ANKS1B: variants seen among roughly 807,000 people sequenced by gnomAD.
ANKS1B encodes the protein ankyrin repeat and sterile alpha motif domain containing 1B.
In ANKS1B, 36 loss-of-function variants were observed where a neutral mutation model predicts 148.3. The observed-to-expected ratio is 0.24, with a 90% CI of 0.19 to 0.32. The LOEUF is 0.32. Among genes scored for constraint, ANKS1B ranks in the 10% least tolerant of loss-of-function variants. The pLI is 1.00. For missense variants in ANKS1B, 1,157 were observed against 1,542.6 expected (o/e 0.75, Z 4.19); for synonymous variants, 542 against 560.8 (o/e 0.97, Z 0.47).
intron 4 of ANKS1B, among the ~76,000 whole-genome samples, chr12:99,783,543 T>A (rs1221888797): frequency 6.6e-6 from 1 of 152,214 alleles, no homozygotes; most frequent in African/African-American, 2.4e-5. Context: ...CAATTTAATG[T>A]AGCCATAAAA....
At chr12:98,872,784 T>C (rs1233729769) in intron 17 of ANKS1B, among the ~76,000 whole-genome samples, 1 of 152,116 alleles carries the variant, frequency 6.6e-6, no homozygotes, top group East Asian at 1.9e-4. Flanking sequence ...AGGCAGGACT[T>C]CCAGCCTCCA....
intron 17 of ANKS1B, among the ~76,000 whole-genome samples, chr12:98,981,985 C>T (rs943660733): frequency 1.3e-5 from 2 of 152,056 alleles, no homozygotes; most frequent in African/African-American, 4.8e-5. Context: ...TTATAAAGGA[C>T]ATTAAACTGA....
At chr12:99,848,992 G>T (rs1269579428) in intron 1 of ANKS1B, among the ~76,000 whole-genome samples, 1 of 151,986 alleles carries the variant, frequency 6.6e-6, no homozygotes, top group African/African-American at 2.4e-5. Context: ...GCTAAACACT[G>T]GGTATACATG....
At chr12:99,427,262 T>C (rs756708907) in intron 11 of ANKS1B, among the ~76,000 whole-genome samples, 1 of 152,206 alleles carries the variant, frequency 6.6e-6, no homozygotes, top group Non-Finnish European at 1.5e-5. Context: ...TCTACACTTC[T>C]TACCATGACC....
At position 99,613,574 on chromosome 12, in the gene ANKS1B, C is replaced by T. The variant is rs149212062; in HGVS notation, c.1272+41493G>A. 1.3e-4 allele frequency among the ~76,000 whole-genome samples: 20 copies of T among 151,958 alleles called. No homozygotes were observed. In the East Asian group the frequency reaches 3.9e-3, roughly 29 times the overall value. On this transcript the variant is annotated intron_variant, in intron 9 of 26. Transcript: ENST00000683438. ...TCAGGGACATGGATGGAGGTGGAGG[C>T]CATTATCCTTAGAAAATGGATGCAG...
At chr12:98,946,414 T>C (rs2099845598) in intron 17 of ANKS1B, among the ~76,000 whole-genome samples, 1 of 152,214 alleles carries the variant, frequency 6.6e-6, no homozygotes, top group Admixed American at 6.5e-5. Flanking sequence ...TCCTCATTCA[T>C]TCAACAAATA....
intron 8 of ANKS1B, among the ~76,000 whole-genome samples, chr12:99,721,881 C>T (rs189926358): frequency 2.0e-5 from 3 of 152,272 alleles, no homozygotes; most frequent in Admixed American, 6.5e-5. Context: ...ATTAAAAGTG[C>T]GACTCCAGTG....
At chr12:99,029,538 A>C (rs1199537124) in intron 17 of ANKS1B, among the ~76,000 whole-genome samples, 1 of 152,246 alleles carries the variant, frequency 6.6e-6, no homozygotes, top group Non-Finnish European at 1.5e-5. Context: ...AGCACAATCT[A>C]CAGTGAAGTA....
Position 99,684,368 on chromosome 12 carries a change from CAAAAAA to C in ANKS1B, c.1129-29164_1129-29159del, listed in dbSNP as rs572669891. 3.6e-5 allele frequency among the ~76,000 whole-genome samples: 3 copies of C among 82,554 alleles called. No individual in the cohort carries two copies. The Admixed American group carries it at 3.8e-4, about 10-fold the overall frequency. The allele number at this position is 82,554 out of a possible 152,430, so 54.2% of individuals were successfully genotyped here. A position where few individuals can be genotyped will look rare whatever the true frequency, so the allele number is the denominator to read the frequency against. ...AACTCAACTCCTTTTACAACAGCTG[CAAAAAA>C]AAAAAAAAAAAGGGAAAAAGAAATA... is the stretch of plus-strand genomic sequence containing the variant. On this transcript the variant is annotated intron_variant, in intron 8 of 26. Coordinates refer to ENST00000683438, the MANE Select transcript of ANKS1B (RefSeq NM_001352186.2).
chr12:99,433,976 C>T (rs2152759599), intron 11 of ANKS1B, among the ~76,000 whole-genome samples: 1 of 152,052 alleles, frequency 6.6e-6, no homozygotes. Flanking sequence ...TTAAGATGCC[C>T]AGCATATGGT....
intron 17 of ANKS1B, 67 bp from the exon 18 acceptor site, chr12:98,832,203 C>T: frequency 7.9e-7 from 1 of 1,263,710 alleles, no homozygotes; most frequent in Non-Finnish European, 1.1e-6. Context: ...TGTCCTAAAA[C>T]ATGTGGGGTG....
intron 22 of ANKS1B, among the ~76,000 whole-genome samples, chr12:98,792,994 C>T (rs1315565225): frequency 6.6e-6 from 1 of 152,176 alleles, no homozygotes; most frequent in Non-Finnish European, 1.5e-5. Flanking sequence ...AGTGGGATTG[C>T]TGGATAATAT....
intron 1 of ANKS1B, among the ~76,000 whole-genome samples, chr12:99,891,174 T>G (rs1317741396): frequency 1.3e-5 from 2 of 152,242 alleles, no homozygotes; most frequent in Non-Finnish European, 2.9e-5. Flanking sequence ...TAGGTCTATG[T>G]TTAAACTTCA....
chr12:99,865,540 T>C (rs2090621029), intron 1 of ANKS1B, among the ~76,000 whole-genome samples: 2 of 152,302 alleles, frequency 1.3e-5, no homozygotes, highest in Admixed American at 1.3e-4. Context: ...CTGGCAGTTA[T>C]CAATGACTAG....
chr12:99,487,627 ATT>A (rs2096509751), intron 10 of ANKS1B, among the ~76,000 whole-genome samples: 1 of 150,858 alleles, frequency 6.6e-6, no homozygotes, highest in African/African-American at 2.4e-5. Context: ...GGGGGGGGAC[ATT>A]TTTCAAATAT....
intron 12 of ANKS1B, among the ~76,000 whole-genome samples, chr12:99,388,712 C>T (rs969367133): frequency 6.6e-6 from 1 of 152,218 alleles, no homozygotes; most frequent in Non-Finnish European, 1.5e-5. Flanking sequence ...CAGCTCTCAT[C>T]TGAGGGCCAG....
chr12:99,387,897 G>A (rs756166820), intron 12 of ANKS1B, among the ~76,000 whole-genome samples: 12 of 128,230 alleles, frequency 9.4e-5, no homozygotes, highest in Non-Finnish European at 2.1e-4. Flanking sequence ...AGATGCCAAG[G>A]CATTCCAAGA....
intron 17 of ANKS1B, among the ~76,000 whole-genome samples, chr12:98,870,415 C>T (rs1329755219): frequency 6.6e-6 from 1 of 152,218 alleles, no homozygotes; most frequent in East Asian, 1.9e-4. Context: ...AGGCAGAAAT[C>T]AAATTGAAGA....
At chr12:98,746,299 C>A (rs1430983019) in intron 26 of ANKS1B, among the ~76,000 whole-genome samples, 1 of 152,192 alleles carries the variant, frequency 6.6e-6, no homozygotes, top group African/African-American at 2.4e-5. Context: ...TCCAGTACCC[C>A]TGCCCACCTG....
Sources: gnomAD v4.1 joint callset for allele counts (sites outside exome capture counted in the v4.1 genomes callset) on GRCh38, gnomAD v4.1.1 for gene constraint, MANE v1.5 for transcripts, NCBI Gene and HGNC (gene_info 2026-07-23, HGNC 2026-07-21) for gene names.